SPOCK3: variants seen among roughly 807,000 people sequenced by gnomAD.
SPOCK3 encodes testican-3.
Under a neutral mutation model 56.6 loss-of-function variants are expected in SPOCK3, and 30 were observed. That is an observed-to-expected ratio of 0.53 (90% CI 0.40 to 0.72). The LOEUF (loss-of-function observed/expected upper bound fraction) is 0.72. Among genes scored for constraint, SPOCK3 ranks in the 30% least tolerant of loss-of-function variants. The pLI is 0.00. For missense variants in SPOCK3, 527 were observed against 530.0 expected (o/e 0.99, Z 0.06); for synonymous variants, 196 against 183.3 (o/e 1.07, Z -0.56).
intron 3 of SPOCK3, among the ~76,000 whole-genome samples, chr4:167,026,363 T>A (rs1388499710): frequency 6.6e-6 from 1 of 152,064 alleles, no homozygotes; most frequent in African/African-American, 2.4e-5. Context: ...GGTATGGGCA[T>A]CTTTACTAAG....
In SPOCK3 at chr4:166,754,727, A is replaced by G; in HGVS notation, c.712T>C (p.Phe238Leu). The G allele has an allele frequency of 6.2e-7, 1 of 1,613,060 alleles. No individual in the cohort carries two copies. Among genetic ancestry groups the G allele is most frequent in the Non-Finnish European group, 8.5e-7 (1 of 1,179,474 alleles). ...CAAATTGGCAAGATGCTGGTATCGA[A>G]TCCTAAAGGCAAAAAAAAGAAAATG... ...KTLLRPERSR[F>L]DTSILPICKD... The change falls in exon 8 of 11, where the codon TTC becomes CTC. Residue 238 changes from phenylalanine (F) to leucine (L), a missense_variant and splice_region_variant. Coordinates refer to ENST00000357545, the MANE Select transcript of SPOCK3 (RefSeq NM_001040159.2).
chr4:166,982,851 T>C (rs985609172), intron 4 of SPOCK3, among the ~76,000 whole-genome samples: 3 of 152,168 alleles, frequency 2.0e-5, no homozygotes, highest in Non-Finnish European at 4.4e-5. Context: ...GCCATACTTG[T>C]ACTTAAATAA....
intron 5 of SPOCK3, among the ~76,000 whole-genome samples, chr4:166,897,214 T>G (rs1462232420): frequency 6.6e-6 from 1 of 152,132 alleles, no homozygotes; most frequent in Non-Finnish European, 1.5e-5. Flanking sequence ...GAAAATCTAG[T>G]TTGTCTAATA....
intron 2 of SPOCK3, chr4:167,119,861 C>T (rs1322657005): frequency 7.2e-6 from 11 of 1,525,418 alleles, no homozygotes; most frequent in African/African-American, 2.7e-5. Context: ...GTCAAATAAT[C>T]GTTTTTCTTC....
intron 6 of SPOCK3, among the ~76,000 whole-genome samples, chr4:166,888,335 C>T (rs560949095): frequency 1.2e-4 from 18 of 152,050 alleles, no homozygotes; most frequent in Admixed American, 8.5e-4. Context: ...TAGAAGAGTT[C>T]AATAGTAATA....
intron 8 of SPOCK3, chr4:166,754,236 G>T: frequency 8.9e-7 from 1 of 1,125,908 alleles, no homozygotes. Flanking sequence ...TAATATTTCT[G>T]TGTGCTTCTT....
intron 2 of SPOCK3, among the ~76,000 whole-genome samples, chr4:167,114,938 A>G (rs1761204720): frequency 6.6e-6 from 1 of 152,130 alleles, no homozygotes; most frequent in Admixed American, 6.6e-5. Context: ...AAACAATAGA[A>G]TCAGATGCAC....
intron 2 of SPOCK3, among the ~76,000 whole-genome samples, chr4:167,072,207 C>A (rs903778427): frequency 1.3e-5 from 2 of 152,040 alleles, no homozygotes; most frequent in Admixed American, 6.6e-5. Flanking sequence ...GAAATTAGAA[C>A]CCCAGAAGTA....
At chr4:166,937,763 C>T (rs199831573) in intron 4 of SPOCK3, among the ~76,000 whole-genome samples, 17 of 123,006 alleles carry the variant, frequency 1.4e-4, no homozygotes, top group South Asian at 5.4e-4. Context: ...ATTTTTTTTT[C>T]TTTTTTTTTT....
intron 6 of SPOCK3, among the ~76,000 whole-genome samples, chr4:166,866,747 G>A (rs1318106918): frequency 6.6e-6 from 1 of 151,990 alleles, no homozygotes; most frequent in Non-Finnish European, 1.5e-5. Context: ...ACTCCGGAAA[G>A]TATTATATTT....
At chr4:167,221,621 C>T (rs1285233092) in intron 2 of SPOCK3, among the ~76,000 whole-genome samples, 1 of 152,058 alleles carries the variant, frequency 6.6e-6, no homozygotes, top group African/African-American at 2.4e-5. Flanking sequence ...AAACATGTAA[C>T]CCAATTAAAA....
intron 2 of SPOCK3, among the ~76,000 whole-genome samples, chr4:167,204,311 T>C (rs1219256229): frequency 6.6e-6 from 1 of 152,056 alleles, no homozygotes; most frequent in Non-Finnish European, 1.5e-5. Context: ...TAGTCTGTTC[T>C]CACACTGCTA....
intron 6 of SPOCK3, among the ~76,000 whole-genome samples, chr4:166,881,502 A>G (rs556618143): frequency 2.0e-5 from 3 of 152,072 alleles, no homozygotes; most frequent in Non-Finnish European, 4.4e-5. Context: ...TTTTAATTCA[A>G]TATGGCTTCA....
chr4:166,862,552 CTT>C (rs1360042512), intron 6 of SPOCK3, among the ~76,000 whole-genome samples: 1 of 151,980 alleles, frequency 6.6e-6, no homozygotes, highest in African/African-American at 2.4e-5. Flanking sequence ...TAAGTGTTCT[CTT>C]TTACAAATAT....
intron 2 of SPOCK3, among the ~76,000 whole-genome samples, chr4:167,091,433 C>A (rs1275179237): frequency 6.6e-6 from 1 of 152,100 alleles, no homozygotes; most frequent in African/African-American, 2.4e-5. Context: ...ACTCTCAAAG[C>A]TTAATTTCCT....
intron 7 of SPOCK3, among the ~76,000 whole-genome samples, chr4:166,774,523 C>A (rs543930648): frequency 8.4e-4 from 128 of 152,318 alleles, no homozygotes; most frequent in African/African-American, 2.9e-3. Context: ...CAACAGCCAT[C>A]TCGGGCAGAA....
At chr4:166,919,749 C>T in intron 4 of SPOCK3, among the ~76,000 whole-genome samples, 1 of 152,056 alleles carries the variant, frequency 6.6e-6, no homozygotes, top group East Asian at 1.9e-4. Context: ...AAACCCGTTT[C>T]CAGCAAAATG....
intron 6 of SPOCK3, among the ~76,000 whole-genome samples, chr4:166,841,762 T>C (rs542972809): frequency 1.3e-5 from 2 of 152,390 alleles, no homozygotes; most frequent in East Asian, 1.9e-4. Flanking sequence ...TCCTGCTCTG[T>C]ACAGCCTATA....
intron 6 of SPOCK3, among the ~76,000 whole-genome samples, chr4:166,871,373 C>T (rs372735624): frequency 6.6e-6 from 1 of 151,966 alleles, no homozygotes; most frequent in Admixed American, 6.6e-5. Flanking sequence ...ACCAAAGGGT[C>T]GTCACTACTG....
Sources: gnomAD v4.1 joint callset for allele counts (sites outside exome capture counted in the v4.1 genomes callset) on GRCh38, gnomAD v4.1.1 for gene constraint, MANE v1.5 for transcripts, NCBI Gene and HGNC (gene_info 2026-07-23, HGNC 2026-07-21) for gene names.